CDKAL1: variants seen among roughly 807,000 people sequenced by gnomAD.
The protein encoded by CDKAL1 is threonylcarbamoyladenosine tRNA methylthiotransferase.
CDKAL1 carries 32 observed loss-of-function variants against 68.2 expected under a neutral mutation model. That is an observed-to-expected ratio of 0.47 (90% confidence interval 0.35 to 0.63). The LOEUF (loss-of-function observed/expected upper bound fraction) is 0.63, where lower values mean the gene tolerates loss of function less well. Among genes scored for constraint, CDKAL1 ranks in the 30% least tolerant of loss-of-function variants. The pLI is 0.00. For missense variants in CDKAL1, 606 were observed against 696.7 expected (o/e 0.87, Z 1.47); for synonymous variants, 234 against 244.3 (o/e 0.96, Z 0.39).
At chr6:20,747,797 T>C (rs1005684358) in intron 6 of CDKAL1, among the ~76,000 whole-genome samples, 4 of 152,256 alleles carry the variant, frequency 2.6e-5, no homozygotes, top group Non-Finnish European at 4.4e-5. Context: ...TTCATTCAGT[T>C]GATTGCTTCC....
intron 5 of CDKAL1, among the ~76,000 whole-genome samples, chr6:20,651,426 G>A (rs562391138): frequency 1.3e-5 from 2 of 152,300 alleles, no homozygotes; most frequent in South Asian, 4.1e-4. Context: ...GTTTACTGAA[G>A]TTGCTTATTA....
chr6:21,216,391 A>G (rs547615433), intron 15 of CDKAL1, among the ~76,000 whole-genome samples: 1 of 152,290 alleles, frequency 6.6e-6, no homozygotes, highest in South Asian at 2.1e-4. Context: ...CACTTGAGCC[A>G]AGGAGTTCAA....
At chr6:20,672,731 G>A (rs1417027808) in intron 5 of CDKAL1, among the ~76,000 whole-genome samples, 1 of 152,070 alleles carries the variant, frequency 6.6e-6, no homozygotes, top group Non-Finnish European at 1.5e-5. Context: ...TATCATCTGT[G>A]TAACTCCATG....
intron 15 of CDKAL1, among the ~76,000 whole-genome samples, chr6:21,223,041 G>GTCTC (rs1779594803): frequency 6.6e-6 from 1 of 152,092 alleles, no homozygotes; most frequent in African/African-American, 2.4e-5. Context: ...AGCGTGAAAT[G>GTCTC]TCTCTGCATA....
intron 13 of CDKAL1, among the ~76,000 whole-genome samples, chr6:21,172,704 T>A (rs930397544): frequency 6.6e-6 from 1 of 152,174 alleles, no homozygotes; most frequent in Non-Finnish European, 1.5e-5. Context: ...TGCAGTGAGC[T>A]AGGATCATAC....
intron 3 of CDKAL1, among the ~76,000 whole-genome samples, chr6:20,546,782 A>G (rs13197372): frequency 6.6e-6 from 1 of 152,022 alleles, no homozygotes; most frequent in Non-Finnish European, 1.5e-5. Context: ...TTGAACTCCT[A>G]ACCTCAGGTG....
At chr6:21,140,308 C>T (rs760668331) in intron 13 of CDKAL1, among the ~76,000 whole-genome samples, 2 of 152,102 alleles carry the variant, frequency 1.3e-5, no homozygotes, top group Admixed American at 6.5e-5. Flanking sequence ...AAACTCTTGC[C>T]GACTGGAATT....
At chr6:20,913,493 G>A (rs747709836) in intron 9 of CDKAL1, among the ~76,000 whole-genome samples, 9 of 152,140 alleles carry the variant, frequency 5.9e-5, no homozygotes, top group African/African-American at 9.7e-5. Flanking sequence ...GACCTACTGC[G>A]AGAAATGCAT....
intron 8 of CDKAL1, among the ~76,000 whole-genome samples, chr6:20,835,978 A>C (rs1326621042): frequency 6.6e-6 from 1 of 152,146 alleles, no homozygotes; most frequent in Non-Finnish European, 1.5e-5. Flanking sequence ...TGTACTTTAC[A>C]TGAGCAACTA....
intron 12 of CDKAL1, among the ~76,000 whole-genome samples, chr6:21,102,118 T>C (rs1275625677): frequency 6.6e-6 from 1 of 152,178 alleles, no homozygotes; most frequent in Non-Finnish European, 1.5e-5. Context: ...ATTTAGCCTT[T>C]CTTCAGCCCA....
chr6:20,559,287 C>T (rs1314930234), intron 4 of CDKAL1: 1 of 152,126 alleles, frequency 6.6e-6, no homozygotes, highest in Non-Finnish European at 1.5e-5. Context: ...TCTTCACCTT[C>T]TAAAGGGATT....
intron 15 of CDKAL1, among the ~76,000 whole-genome samples, chr6:21,205,343 G>A (rs1457213968): frequency 2.7e-5 from 2 of 73,804 alleles, no homozygotes; most frequent in Non-Finnish European, 7.9e-5. Flanking sequence ...GGATTGTATG[G>A]TCCTCTATTT....
chr6:21,017,504 A>C (rs79110536), intron 11 of CDKAL1, among the ~76,000 whole-genome samples: 2 of 152,154 alleles, frequency 1.3e-5, no homozygotes, highest in Non-Finnish European at 2.9e-5. Context: ...GTATTTGGGG[A>C]ATGGGTGAAG....
chr6:20,567,217 A>G (rs1764495794), intron 4 of CDKAL1, among the ~76,000 whole-genome samples: 1 of 148,364 alleles, frequency 6.7e-6, no homozygotes, highest in Non-Finnish European at 1.5e-5. Context: ...TTTGCCATTG[A>G]AAGTAATGGC....
chr6:20,712,230 CG>C (rs1562044988), intron 5 of CDKAL1, among the ~76,000 whole-genome samples: 1 of 151,912 alleles, frequency 6.6e-6, no homozygotes, highest in Non-Finnish European at 1.5e-5. Flanking sequence ...AGTCTGTGCT[CG>C]GGGCAGTATG....
chr6:20,992,194 T>TTA (rs1435552458), intron 10 of CDKAL1, among the ~76,000 whole-genome samples: 3 of 133,530 alleles, frequency 2.2e-5, no homozygotes, highest in African/African-American at 1.1e-4. Flanking sequence ...TAGTCAGCTT[T>TTA]TTTATATATA....
At chr6:21,013,138 ACCT>A (rs1016905239) in intron 11 of CDKAL1, among the ~76,000 whole-genome samples, 17 of 152,044 alleles carry the variant, frequency 1.1e-4, no homozygotes, top group Non-Finnish European at 5.9e-5. Context: ...TGGGGCACCA[ACCT>A]TCTGAGGTGG....
At chr6:20,932,881 T>C (rs892583087) in intron 9 of CDKAL1, among the ~76,000 whole-genome samples, 7 of 152,214 alleles carry the variant, frequency 4.6e-5, no homozygotes, top group Non-Finnish European at 1.0e-4. Flanking sequence ...ATATGTTTGC[T>C]ATGGAGCCAA....
At chr6:20,568,820 C>T (rs902238950) in intron 4 of CDKAL1, among the ~76,000 whole-genome samples, 1 of 152,134 alleles carries the variant, frequency 6.6e-6, no homozygotes, top group Non-Finnish European at 1.5e-5. Context: ...TTCACTCCTC[C>T]CTATGCTGCC....
Sources: allele counts gnomAD v4.1 joint callset (sites outside exome capture counted in the v4.1 genomes callset), GRCh38; gene constraint gnomAD v4.1.1; transcripts MANE v1.5; gene names NCBI Gene and HGNC (gene_info 2026-07-23, HGNC 2026-07-21).